OGN: variants seen among roughly 807,000 people sequenced by gnomAD.
The protein encoded by OGN is osteoglycin.
OGN carries 19 observed loss-of-function variants against 30.8 expected under a neutral mutation model. That is an observed-to-expected ratio of 0.62 (90% confidence interval 0.43 to 0.90). The LOEUF is 0.90. OGN is among the 40% of genes least tolerant of loss of function. The pLI is 0.00. For synonymous variants in OGN, 126 were observed against 128.3 expected (o/e 0.98, Z 0.12); for missense variants, 283 against 349.7 (o/e 0.81, Z 1.52).
chr9:92,386,445 G>T, intron 5 of OGN, 149 bp from the exon 6 acceptor site: 1 of 580,458 alleles, frequency 1.7e-6, no homozygotes, highest in Non-Finnish European at 3.1e-6. Context: ...TTGTTCGTAT[G>T]GTAGTTTCTT....
At chr9:92,386,503 A>G (rs928686985) in intron 5 of OGN, among the ~76,000 whole-genome samples, 5 of 151,920 alleles carry the variant, frequency 3.3e-5, no homozygotes, top group African/African-American at 1.2e-4. Context: ...TTGATCCTTT[A>G]TGATGGCCAG....
intron 3 of OGN, among the ~76,000 whole-genome samples, chr9:92,400,373 A>G (rs999361316): frequency 1.3e-5 from 2 of 151,402 alleles, no homozygotes; most frequent in Non-Finnish European, 2.9e-5. Context: ...CTGGTCTTGA[A>G]CTCCTGACCT....
At chr9:92,389,730 GTCT>G (rs1344397708) in intron 5 of OGN, 121 bp downstream of exon 5, 2 of 641,390 alleles carry the variant, frequency 3.1e-6, no homozygotes, top group African/African-American at 1.8e-5. Context: ...TGTAAATAAT[GTCT>G]TCATTTATTA....
At position 92,393,067 on chromosome 9, in the gene OGN, A is replaced by G; in HGVS notation, c.427+19T>C. The G allele has an allele frequency of 1.2e-6, 2 of 1,602,884 alleles. No individual in the cohort carries two copies. The highest frequency in any genetic ancestry group is 1.7e-6 in the Non-Finnish European group (2 of 1,171,494). On this transcript the variant is annotated intron_variant, in intron 4 of 6. Coordinates refer to ENST00000375561, the MANE Select transcript of OGN (RefSeq NM_014057.5). ...ACTAATACGAGTTAATACTAATATC[A>G]TATTTCAGCTTAACTTACGTATGTC...
chr9:92,400,384 C>T (rs995840323), intron 3 of OGN, among the ~76,000 whole-genome samples: 2 of 152,066 alleles, frequency 1.3e-5, no homozygotes, highest in Non-Finnish European at 2.9e-5. Flanking sequence ...CTCCTGACCT[C>T]GTGATCCACC....
chr9:92,403,254 G>A lies in OGN; in HGVS notation c.154C>T (p.Leu52=). ...IFSQDYEDKY[L]DGKNIKEKET... ...AGTACCTTAATATTTTTTCCATCCA[G>A]GTATTTATCCTCATAATCTTGGCTA... Residue 52 remains leucine, a synonymous_variant, in exon 2 of 7, where the codon CTG becomes TTG. Coordinates refer to ENST00000375561, the MANE Select transcript of OGN (RefSeq NM_014057.5). 6.3e-7 allele frequency: 1 copy of A among 1,583,470 alleles called. No homozygotes were observed. The highest frequency in any genetic ancestry group is 8.6e-7 in the Non-Finnish European group (1 of 1,157,820).
At chr9:92,387,693 A>C (rs1345555008) in intron 5 of OGN, among the ~76,000 whole-genome samples, 1 of 152,168 alleles carries the variant, frequency 6.6e-6, no homozygotes, top group Non-Finnish European at 1.5e-5. Flanking sequence ...AGGTAGAATA[A>C]CCTAATTCTA....
At position 92,389,953 on chromosome 9, in the gene OGN, A is replaced by G; in HGVS notation, c.531T>C (p.Asn177=). The change falls in exon 5 of 7, where the codon AAT becomes AAC. Residue 177 remains asparagine, a synonymous_variant. Transcript: ENST00000375561. Reference sequence around the variant, plus strand: ...GAAGAACTGGAAGTTTTAGTAGTTGATTTTCAGCAAGTGAAAGTTCTTCTA... The same window carrying G: ...GAAGAACTGGAAGTTTTAGTAGTTGGTTTTCAGCAAGTGAAAGTTCTTCTA... The part of the protein sequence containing the change: ...SLLEELSLAE[N]QLLKLPVLPP... The G allele has an allele frequency of 6.2e-7, 1 of 1,611,872 alleles. No homozygotes were observed. Among genetic ancestry groups the G allele is most frequent in the Non-Finnish European group, 8.5e-7 (1 of 1,178,216 alleles).
upstream of OGN, chr9:92,404,698 G>A: frequency 8.1e-7 from 1 of 1,232,406 alleles, no homozygotes; most frequent in Non-Finnish European, 1.0e-6. Context: ...GTGAAATGCA[G>A]TGTGTTGTAC....
At chr9:92,398,232 C>A (rs1294095120) in intron 3 of OGN, among the ~76,000 whole-genome samples, 2 of 152,138 alleles carry the variant, frequency 1.3e-5, no homozygotes, top group African/African-American at 4.8e-5. Flanking sequence ...TCTTCCTTTG[C>A]TGAGTTATTA....
upstream of OGN, chr9:92,404,589 A>G (rs1404311333): frequency 2.0e-5 from 26 of 1,292,682 alleles, no homozygotes; most frequent in Non-Finnish European, 2.4e-5. Flanking sequence ...GAGAAAAGCT[A>G]TGTCTTGATT....
intron 2 of OGN, among the ~76,000 whole-genome samples, chr9:92,402,933 G>T (rs1201056055): frequency 6.6e-6 from 1 of 152,146 alleles, no homozygotes; most frequent in Non-Finnish European, 1.5e-5. Context: ...AGGGCATTGT[G>T]TAACATTACT....
At chr9:92,388,218 G>A (rs1842514647) in intron 5 of OGN, among the ~76,000 whole-genome samples, 1 of 151,362 alleles carries the variant, frequency 6.6e-6, no homozygotes, top group South Asian at 2.1e-4. Context: ...GAGTGCAGTG[G>A]TACAATCTCA....
intron 5 of OGN, among the ~76,000 whole-genome samples, chr9:92,389,300 A>C (rs898279020): frequency 6.6e-6 from 1 of 152,216 alleles, no homozygotes; most frequent in Non-Finnish European, 1.5e-5. Flanking sequence ...TTTTTCCTAC[A>C]TAATATTTGC....
At chr9:92,390,113 C>CTT in intron 4 of OGN, 57 bp from the exon 5 acceptor site, 1 of 999,544 alleles carries the variant, frequency 1.0e-6, no homozygotes. Context: ...ATTGTATGGA[C>CTT]TGAAGAAAAG....
intron 1 of OGN, 137 bp from the exon 2 acceptor site, chr9:92,403,619 AT>A: frequency 5.0e-6 from 6 of 1,204,256 alleles, no homozygotes; most frequent in Non-Finnish European, 6.2e-6. Flanking sequence ...GTTTTTATGT[AT>A]CAGTGAACAT....
chr9:92,385,523 A>T lies in OGN; in HGVS notation c.*97T>A. 1.0e-6 allele frequency: 1 copy of T among 1,001,822 alleles called. No homozygotes were observed. The highest frequency in any genetic ancestry group is 1.5e-6 in the Non-Finnish European group (1 of 675,452). The allele number at this position is 1,001,822 out of a possible 1,614,324, so 62.1% of individuals were successfully genotyped here. A position where few individuals can be genotyped will look rare whatever the true frequency, so the allele number is the denominator to read the frequency against. On this transcript the variant is annotated 3_prime_UTR_variant, in exon 7 of 7. Transcript: ENST00000375561. The stretch of plus-strand genomic sequence containing the variant: ...TTAAATTCCTTCAAAATGAGATACA[A>T]GGTTAATATTAAACCAATACTTAAG...
At chr9:92,387,502 A>G (rs1842484509) in intron 5 of OGN, among the ~76,000 whole-genome samples, 1 of 152,150 alleles carries the variant, frequency 6.6e-6, no homozygotes, top group African/African-American at 2.4e-5. Flanking sequence ...TCAGTAACCC[A>G]TTATTGTGTA....
At chr9:92,393,270 A>G in intron 3 of OGN, 26 bp from the exon 4 acceptor site, 5 of 1,555,040 alleles carry the variant, frequency 3.2e-6, no homozygotes, top group Non-Finnish European at 4.4e-6. Flanking sequence ...AATCATAAAA[A>G]TATGAACAAT....
Sources: gnomAD v4.1 joint callset for allele counts (sites outside exome capture counted in the v4.1 genomes callset) on GRCh38, gnomAD v4.1.1 for gene constraint, MANE v1.5 for transcripts, NCBI Gene and HGNC (gene_info 2026-07-23, HGNC 2026-07-21) for gene names.